Variants in CDH18 observed in about 807,000 individuals in gnomAD.
The protein encoded by CDH18 is cadherin-18.
Under a neutral mutation model 67.9 loss-of-function variants are expected in CDH18, and 31 were observed. The observed-to-expected ratio is 0.46, with a 90% CI of 0.34 to 0.62. The LOEUF (loss-of-function observed/expected upper bound fraction) is 0.62. CDH18 is among the 20% of genes least tolerant of loss of function. The probability of loss-of-function intolerance (pLI) is 0.01; values close to 1 mark genes in which losing one functional copy is unlikely to be tolerated. For missense variants in CDH18, 890 were observed against 975.5 expected, an observed-to-expected ratio of 0.91 and a Z score of 1.17; for synonymous variants, 362 against 347.2, an observed-to-expected ratio of 1.04 and a Z score of -0.48.
chr5:20,332,727 A>G (rs116150110), intron 1 of CDH18, among the ~76,000 whole-genome samples: 2,143 of 152,280 alleles, frequency 0.014, 39 homozygotes, highest in African/African-American at 0.049. Context: ...AATTTGAACT[A>G]TACCTACATT....
At chr5:20,475,866 A>G (rs1378221112) in intron 1 of CDH18, among the ~76,000 whole-genome samples, 2 of 152,188 alleles carry the variant, frequency 1.3e-5, no homozygotes, top group Non-Finnish European at 2.9e-5. Flanking sequence ...AGGCTTGCAT[A>G]AAAATGGAAA....
Position 20,336,448 on chromosome 5 carries a change from C to T in CDH18, c.-579-80943G>A, listed in dbSNP as rs560682702. Among the ~76,000 whole-genome samples, 10 of 152,142 alleles carry T rather than the reference C, an allele frequency of 6.6e-5. No individual in the cohort carries two copies. In the South Asian group the frequency reaches 1.5e-3, roughly 22 times the overall value. On this transcript the variant is annotated intron_variant, in intron 1 of 14. Coordinates refer to the CDH18 transcript ENST00000507958. ...TTAAGAACTTCGCCTTATGGCTGGG[C>T]GCAGTGGTTCATGCCTGTAATCTCA...
At chr5:20,443,226 A>G (rs1178653633) in intron 1 of CDH18, among the ~76,000 whole-genome samples, 1 of 149,760 alleles carries the variant, frequency 6.7e-6, no homozygotes, top group Non-Finnish European at 1.5e-5. Flanking sequence ...AAAAAAAAAA[A>G]AAAAAGTATA....
intron 2 of CDH18, among the ~76,000 whole-genome samples, chr5:20,199,915 T>C (rs764316864): frequency 5.9e-5 from 9 of 152,176 alleles, no homozygotes; most frequent in Non-Finnish European, 1.3e-4. Flanking sequence ...TGAAGGTGAC[T>C]TCCTCCCCTT....
intron 1 of CDH18, among the ~76,000 whole-genome samples, chr5:20,373,829 CTG>C (rs1743200648): frequency 6.6e-6 from 1 of 151,930 alleles, no homozygotes; most frequent in Admixed American, 6.6e-5. Context: ...TATTGACAAT[CTG>C]TACAATTTCT....
chr5:19,651,566 G>T (rs1260727796), intron 5 of CDH18, among the ~76,000 whole-genome samples: 1 of 151,972 alleles, frequency 6.6e-6, no homozygotes, highest in African/African-American at 2.4e-5. Flanking sequence ...ATCAGAGACA[G>T]TATTTCATCT....
chr5:19,835,093 T>C (rs1781473910), intron 3 of CDH18, among the ~76,000 whole-genome samples: 1 of 152,048 alleles, frequency 6.6e-6, no homozygotes, highest in African/African-American at 2.4e-5. Flanking sequence ...GCAGCACTAT[T>C]TACAATAGCA....
chr5:20,044,502 T>A (rs2150478799), intron 2 of CDH18, among the ~76,000 whole-genome samples: 1 of 152,236 alleles, frequency 6.6e-6, no homozygotes, highest in East Asian at 1.9e-4. Context: ...TTTGTGAAAA[T>A]TGAGAATCAA....
At chr5:20,352,075 T>C (rs1243671773) in intron 1 of CDH18, among the ~76,000 whole-genome samples, 1 of 152,166 alleles carries the variant, frequency 6.6e-6, no homozygotes, top group Non-Finnish European at 1.5e-5. Flanking sequence ...ATCAATCATT[T>C]ATGCAAGTGA....
chr5:20,005,105 AT>A (rs1427123525), intron 2 of CDH18, among the ~76,000 whole-genome samples: 1 of 152,216 alleles, frequency 6.6e-6, no homozygotes, highest in East Asian at 1.9e-4. Context: ...ATACGTATAC[AT>A]TTCTGGAGAA....
chr5:19,992,076 A>G (rs1800016039), upstream of CDH18: 1 of 151,870 alleles, frequency 6.6e-6, no homozygotes, highest in Non-Finnish European at 1.5e-5. Flanking sequence ...ATGCATTAAA[A>G]TGAAAGACAT....
In CDH18 at chr5:20,274,804, T is replaced by C. The variant is rs149564370; in HGVS notation, c.-579-19299A>G. Among the ~76,000 whole-genome samples the C allele has an allele frequency of 8.8e-3, 1,337 of 152,294 alleles. 21 individuals are homozygous for C. Among genetic ancestry groups the C allele is most frequent in the African/African-American group, 0.03 (1,228 of 41,558 alleles). On this transcript the variant is annotated intron_variant, in intron 1 of 14. Transcript: ENST00000507958. ...TCATACTTTGAGAACATCTTTTTTA[T>C]ACTTTATAGAAAAAATATTTGGATA... is the stretch of plus-strand genomic sequence containing the variant.
At chr5:20,296,582 T>C (rs916135767) in intron 1 of CDH18, among the ~76,000 whole-genome samples, 1 of 152,142 alleles carries the variant, frequency 6.6e-6, no homozygotes, top group African/African-American at 2.4e-5. Flanking sequence ...TATAGTATTA[T>C]ATGTTACTAA....
chr5:20,000,179 G>T (rs1476136366), intron 2 of CDH18, among the ~76,000 whole-genome samples: 1 of 152,114 alleles, frequency 6.6e-6, no homozygotes, highest in Non-Finnish European at 1.5e-5. Flanking sequence ...TAGGGATGGC[G>T]TTGGCCTAGT....
chr5:20,036,670 G>A (rs1163143328), intron 2 of CDH18, among the ~76,000 whole-genome samples: 1 of 151,912 alleles, frequency 6.6e-6, no homozygotes, highest in Non-Finnish European at 1.5e-5. Flanking sequence ...GAATATCTTT[G>A]TAATTTTCTG....
rs182281906 is a variant in CDH18, at chr5:20,190,711, C to T, written c.-518+64733G>A. On this transcript the variant is annotated intron_variant, in intron 2 of 14. Transcript: ENST00000507958. Reference sequence around the variant, plus strand: ...TGAATAGAAAAATATTTGAGAAACCCGTAATTACCATTGACTCCTCCTAAC... The same window carrying T: ...TGAATAGAAAAATATTTGAGAAACCTGTAATTACCATTGACTCCTCCTAAC... Among the ~76,000 whole-genome samples, 705 of 152,032 alleles carry T rather than the reference C, an allele frequency of 4.6e-3. 2 individuals are homozygous for T. Among genetic ancestry groups the T allele is most frequent in the Non-Finnish European group, 7.0e-3 (477 of 67,974 alleles).
In CDH18 at chr5:19,519,337, T is replaced by C. The variant is rs536784072; in HGVS notation, c.1512+1320A>G. 4.6e-5 allele frequency among the ~76,000 whole-genome samples: 7 copies of C among 152,286 alleles called. No individual in the cohort carries two copies. In the South Asian group the frequency reaches 6.2e-4, roughly 14 times the overall value. ...TAGCAAGCCTCACAATTGTCCCTCA[T>C]ACATAAACACAAAAAAGGATGCTTC... On this transcript the variant is annotated intron_variant, in intron 10 of 12. Coordinates refer to ENST00000382275, the MANE Select transcript of CDH18 (RefSeq NM_004934.5).
At chr5:19,645,489 C>CAATA (rs1754614279) in intron 5 of CDH18, among the ~76,000 whole-genome samples, 1 of 152,128 alleles carries the variant, frequency 6.6e-6, no homozygotes, top group African/African-American at 2.4e-5. Context: ...TAGGCTCTGG[C>CAATA]TATTGACTTC....
intron 2 of CDH18, among the ~76,000 whole-genome samples, chr5:19,886,836 A>G (rs950576045): frequency 6.6e-6 from 1 of 152,166 alleles, no homozygotes; most frequent in Non-Finnish European, 1.5e-5. Context: ...TGAAATAATT[A>G]TGTCATATGA....
Sources: allele counts gnomAD v4.1 joint callset (sites outside exome capture counted in the v4.1 genomes callset), GRCh38; gene constraint gnomAD v4.1.1; transcripts MANE v1.5; gene names NCBI Gene and HGNC (gene_info 2026-07-23, HGNC 2026-07-21).